Variants in RFX3 observed in about 807,000 individuals in gnomAD.
The protein encoded by RFX3 is transcription factor RFX3.
Under a neutral mutation model 98.6 loss-of-function variants are expected in RFX3, and 14 were observed. The ratio of observed to expected loss-of-function variants is 0.14; its 90% CI spans 0.09 to 0.22. The LOEUF (loss-of-function observed/expected upper bound fraction) is 0.22, where lower values mean the gene tolerates loss of function less well. Ranked by LOEUF, RFX3 falls within the 10% of genes least tolerant of loss-of-function variation. The pLI is 1.00. For missense variants in RFX3, 639 were observed against 926.9 expected (o/e 0.69, Z 4.03); for synonymous variants, 383 against 328.4 (o/e 1.17, Z -1.80).
At chr9:3,394,280 G>A (rs1396019385) in intron 2 of RFX3, among the ~76,000 whole-genome samples, 3 of 152,104 alleles carry the variant, frequency 2.0e-5, no homozygotes, top group African/African-American at 7.2e-5. Context: ...TGGCTAACAT[G>A]GTGAAACCCC....
chr9:3,473,885 A>C (rs1324749737), intron 1 of RFX3, among the ~76,000 whole-genome samples: 4 of 152,238 alleles, frequency 2.6e-5, no homozygotes, highest in African/African-American at 9.6e-5. Flanking sequence ...TGCTGTTGAA[A>C]TAGGCAAAGA....
At chr9:3,351,379 T>C (rs987615754) in intron 2 of RFX3, among the ~76,000 whole-genome samples, 6 of 151,764 alleles carry the variant, frequency 4.0e-5, no homozygotes, top group African/African-American at 1.5e-4. Context: ...TAGGATAAAA[T>C]AAAATCATGC....
At chr9:3,379,094 G>T (rs991871049) in intron 2 of RFX3, among the ~76,000 whole-genome samples, 1 of 152,166 alleles carries the variant, frequency 6.6e-6, no homozygotes, top group Non-Finnish European at 1.5e-5. Flanking sequence ...GACCCATTAT[G>T]TGCCAGACAT....
chr9:3,433,749 C>T (rs747964805), intron 1 of RFX3, among the ~76,000 whole-genome samples: 21 of 152,158 alleles, frequency 1.4e-4, no homozygotes, highest in Non-Finnish European at 2.2e-4. Flanking sequence ...ATATCTGTCA[C>T]GCTACTTGTT....
intron 1 of RFX3, among the ~76,000 whole-genome samples, chr9:3,520,097 A>G (rs927135438): frequency 6.6e-6 from 1 of 152,204 alleles, no homozygotes; most frequent in African/African-American, 2.4e-5. Flanking sequence ...GTGACAGAGC[A>G]AAACCCTGTT....
At chr9:3,288,276 G>C (rs1313459569) in intron 6 of RFX3, 26 bp from the exon 7 acceptor site, 4 of 1,607,312 alleles carry the variant, frequency 2.5e-6, no homozygotes, top group East Asian at 2.2e-5. Context: ...AGAAACATTA[G>C]AAACAAAAGT....
At chr9:3,345,671 G>A (rs1834373054) in intron 3 of RFX3, among the ~76,000 whole-genome samples, 1 of 151,998 alleles carries the variant, frequency 6.6e-6, no homozygotes, top group South Asian at 2.1e-4. Flanking sequence ...AAGTACATTG[G>A]TCACAATTAT....
At chr9:3,513,463 G>C (rs1012405856) in intron 1 of RFX3, among the ~76,000 whole-genome samples, 6 of 152,084 alleles carry the variant, frequency 3.9e-5, no homozygotes, top group Non-Finnish European at 8.8e-5. Context: ...TGGGCATGGG[G>C]TGCCATCTAT....
chr9:3,382,207 T>C (rs1231197073), intron 2 of RFX3, among the ~76,000 whole-genome samples: 1 of 152,200 alleles, frequency 6.6e-6, no homozygotes. Flanking sequence ...TGAGGCTTAC[T>C]TTTAAAAGTC....
chr9:3,347,279 C>T (rs1008482390), intron 2 of RFX3, among the ~76,000 whole-genome samples: 1 of 151,832 alleles, frequency 6.6e-6, no homozygotes, highest in African/African-American at 2.4e-5. Context: ...CAAGATTGTG[C>T]CACTGCGCTC....
chr9:3,241,737 G>C (rs1167858799), intron 15 of RFX3, among the ~76,000 whole-genome samples: 1 of 152,192 alleles, frequency 6.6e-6, no homozygotes, highest in African/African-American at 2.4e-5. Flanking sequence ...TCTGGTCTCA[G>C]GATGGGTGTA....
chr9:3,309,278 CAA>C (rs1344346247), intron 4 of RFX3, among the ~76,000 whole-genome samples: 1 of 152,072 alleles, frequency 6.6e-6, no homozygotes, highest in Non-Finnish European at 1.5e-5. Flanking sequence ...AGAAAAAACA[CAA>C]AGATTAGTGG....
intron 1 of RFX3, among the ~76,000 whole-genome samples, chr9:3,425,571 T>G (rs1177336724): frequency 6.6e-6 from 1 of 152,232 alleles, no homozygotes; most frequent in Non-Finnish European, 1.5e-5. Context: ...GTGGAACACA[T>G]AGAACCCCCT....
At chr9:3,237,116 T>G (rs1274909531) in intron 15 of RFX3, among the ~76,000 whole-genome samples, 1 of 152,234 alleles carries the variant, frequency 6.6e-6, no homozygotes, top group Non-Finnish European at 1.5e-5. Context: ...TTTCTACTAT[T>G]TAAGATTTAA....
intron 5 of RFX3, among the ~76,000 whole-genome samples, chr9:3,298,399 CAT>C (rs1440038729): frequency 2.0e-5 from 3 of 151,898 alleles, no homozygotes; most frequent in Non-Finnish European, 4.4e-5. Flanking sequence ...TAAATGTACA[CAT>C]GATTGGCAAA....
intron 1 of RFX3, among the ~76,000 whole-genome samples, chr9:3,411,835 C>G (rs762768322): frequency 1.3e-5 from 2 of 151,984 alleles, no homozygotes; most frequent in Non-Finnish European, 2.9e-5. Context: ...TTATACGGAC[C>G]TAGTCAGCCC....
chr9:3,460,002 T>C (rs975138764), intron 1 of RFX3, among the ~76,000 whole-genome samples: 3 of 152,026 alleles, frequency 2.0e-5, no homozygotes, highest in South Asian at 2.1e-4. Context: ...AATAATGATA[T>C]AGTGACATGA....
In RFX3 at chr9:3,264,396, G is replaced by A. The variant is rs72699021; in HGVS notation, c.1456-1312C>T. ...AGCAGTTGAATGATCAATTGGGAGC[G>A]GTAGAGGGTGTTCACAGGGAACAGG... On this transcript the variant is annotated intron_variant, in intron 12 of 16. Coordinates refer to ENST00000617270, the MANE Select transcript of RFX3 (RefSeq NM_001282116.2). Among the ~76,000 whole-genome samples the A allele has an allele frequency of 1.0e-3, 159 of 152,128 alleles. 3 individuals carry two copies. In the South Asian group the frequency reaches 0.013, roughly 13 times the overall value.
intron 1 of RFX3, among the ~76,000 whole-genome samples, chr9:3,448,845 A>C (rs997313386): frequency 1.3e-5 from 2 of 152,174 alleles, no homozygotes; most frequent in African/African-American, 4.8e-5. Context: ...AAACTGCAAT[A>C]AACTACCTAA....
Sources: gnomAD v4.1 joint callset for allele counts (sites outside exome capture counted in the v4.1 genomes callset) on GRCh38, gnomAD v4.1.1 for gene constraint, MANE v1.5 for transcripts, NCBI Gene and HGNC (gene_info 2026-07-23, HGNC 2026-07-21) for gene names.